Variants in MKX observed in about 807,000 individuals in gnomAD.
The protein encoded by MKX is mohawk homeobox.
MKX carries 13 observed loss-of-function variants against 36.0 expected under a neutral mutation model. The observed-to-expected ratio is 0.36, with a 90% CI of 0.24 to 0.57. MKX has a LOEUF of 0.57. Ranked by LOEUF, MKX falls within the 20% of genes least tolerant of loss-of-function variation. The pLI is 0.79. For synonymous variants in MKX, 176 were observed against 178.3 expected, an observed-to-expected ratio of 0.99 and a Z score of 0.10; for missense variants, 458 against 456.4, an observed-to-expected ratio of 1.00 and a Z score of -0.03.
chr10:27,732,332 T>C (rs1474888528), intron 5 of MKX, among the ~76,000 whole-genome samples: 1 of 152,204 alleles, frequency 6.6e-6, no homozygotes, highest in Non-Finnish European at 1.5e-5. Flanking sequence ...TCCCTAGTTA[T>C]TGGCCATTTA....
At chr10:27,714,821 T>C (rs1420426091) in intron 5 of MKX, among the ~76,000 whole-genome samples, 2 of 152,266 alleles carry the variant, frequency 1.3e-5, no homozygotes, top group African/African-American at 4.8e-5. Context: ...CTTGATTAGA[T>C]GTAAACCTTT....
At chr10:27,706,063 A>AC (rs1256121177) in intron 5 of MKX, among the ~76,000 whole-genome samples, 1 of 151,908 alleles carries the variant, frequency 6.6e-6, no homozygotes, top group Non-Finnish European at 1.5e-5. Flanking sequence ...CTGAGTGACC[A>AC]CCATTTTTTT....
chr10:27,718,216 GAAGAAA>G (rs1836998739), intron 5 of MKX, among the ~76,000 whole-genome samples: 1 of 151,976 alleles, frequency 6.6e-6, no homozygotes, highest in Non-Finnish European at 1.5e-5. Flanking sequence ...AGAAGAAGAA[GAAGAAA>G]AAGAAGAAAT....
intron 5 of MKX, among the ~76,000 whole-genome samples, chr10:27,730,373 A>G (rs1834596778): frequency 1.3e-5 from 2 of 152,132 alleles, no homozygotes; most frequent in African/African-American, 4.8e-5. Flanking sequence ...TATAATCTAC[A>G]AGATTCTGCC....
intron 4 of MKX, 90 bp downstream of exon 4, chr10:27,735,131 A>G: frequency 1.6e-6 from 2 of 1,279,600 alleles, no homozygotes; most frequent in Non-Finnish European, 2.1e-6. Context: ...GCACCATCAT[A>G]TTTTGTGAGA....
intron 5 of MKX, chr10:27,718,679 C>T: frequency 3.2e-6 from 1 of 311,720 alleles, no homozygotes; most frequent in South Asian, 2.9e-5. Context: ...GGACTCCAGT[C>T]ACATTTCAAA....
chr10:27,734,468 C>T lies in MKX; in HGVS notation c.826G>A (p.Val276Ile), dbSNP rs757214275. 3.7e-6 allele frequency: 6 copies of T among 1,613,844 alleles called. No homozygotes were observed. The highest frequency in any genetic ancestry group is 5.1e-6 in the Non-Finnish European group (6 of 1,179,918). Reference protein sequence around the residue: ...PSSSETEGNFVYRTDTLENGS... With the variant: ...PSSSETEGNFIYRTDTLENGS... Reference sequence around the variant, plus strand: ...AGCACGGACTTACCTGTGCGATAGACAAAGTTGCCTTCAGTTTCTGATGAC... The same window carrying T: ...AGCACGGACTTACCTGTGCGATAGATAAAGTTGCCTTCAGTTTCTGATGAC... The change falls in exon 5 of 7, where the codon GTC (valine) becomes ATC (isoleucine). Residue 276 changes from valine (V) to isoleucine (I), a missense_variant. Val to Ile is a conservative substitution (Grantham distance 29). Coordinates refer to ENST00000419761, the MANE Select transcript of MKX (RefSeq NM_173576.3).
intron 5 of MKX, among the ~76,000 whole-genome samples, chr10:27,699,156 C>T (rs1368722916): frequency 6.6e-6 from 1 of 152,152 alleles, no homozygotes; most frequent in African/African-American, 2.4e-5. Flanking sequence ...ATCTGTCTGG[C>T]GAGCAGCCAG....
intron 5 of MKX, among the ~76,000 whole-genome samples, chr10:27,692,818 A>G (rs1261862359): frequency 6.6e-6 from 1 of 152,234 alleles, no homozygotes; most frequent in Non-Finnish European, 1.5e-5. Flanking sequence ...TTTTATGAAC[A>G]GAGTATTTGG....
At chr10:27,738,473 C>A (rs188978992) in intron 3 of MKX, among the ~76,000 whole-genome samples, 167 of 151,986 alleles carry the variant, frequency 1.1e-3, no homozygotes, top group Non-Finnish European at 2.1e-3. Context: ...GTCTCCTTAA[C>A]CAAGGATAGG....
At chr10:27,720,715 C>T (rs980992272) in intron 5 of MKX, among the ~76,000 whole-genome samples, 2 of 152,010 alleles carry the variant, frequency 1.3e-5, no homozygotes, top group African/African-American at 4.8e-5. Context: ...AAATATGAGA[C>T]AAATTCTCAT....
chr10:27,723,562 C>T (rs1188095178), intron 5 of MKX, among the ~76,000 whole-genome samples: 1 of 152,190 alleles, frequency 6.6e-6, no homozygotes, highest in African/African-American at 2.4e-5. Flanking sequence ...CAGCTTCCTG[C>T]TAGGCTCAGG....
rs769671412 is a variant in MKX at position 27,675,379 on chromosome 10, C to A, written c.909G>T (p.Thr303=). The stretch of plus-strand genomic sequence containing the variant: ...TAGCTGCGTTGATCTCCTTCCAATA[C>A]GTGTCATCCTTGCTTGGTCCTTTTC... ...ANRKGPSKDD[T]YWKEINAAMA... Residue 303 remains threonine, a synonymous_variant, in exon 7 of 7, where the codon ACG becomes ACT. Coordinates refer to ENST00000419761, the MANE Select transcript of MKX (RefSeq NM_173576.3). 1.9e-6 allele frequency: 3 copies of A among 1,614,080 alleles called. No homozygotes were observed. The highest frequency in any genetic ancestry group is 2.7e-5 in the African/African-American group (2 of 74,946).
intron 5 of MKX, among the ~76,000 whole-genome samples, chr10:27,680,328 G>A (rs1294884587): frequency 7.0e-6 from 1 of 143,282 alleles, no homozygotes; most frequent in Non-Finnish European, 1.5e-5. Flanking sequence ...TACTGAACCA[G>A]CCAAAAGAGC....
At position 27,694,694 on chromosome 10, in the gene MKX, CA is replaced by C. The variant is rs59324478; in HGVS notation, c.839-19141del. On this transcript the variant is annotated intron_variant, in intron 5 of 6. Transcript: ENST00000419761. ...TGGGCGACAGAGCGAGACTCTGTCT[CA>C]AAAAAAAAAAAAAAAATTTAATCTC... 6.8e-3 allele frequency among the ~76,000 whole-genome samples: 774 copies of C among 114,476 alleles called. 10 individuals carry two copies. Among genetic ancestry groups the C allele is most frequent in the African/African-American group, 0.024 (706 of 29,838 alleles). The allele number at this position is 114,476 out of a possible 152,430, so 75.1% of individuals were successfully genotyped here.
intron 3 of MKX, 44 bp from the exon 4 acceptor site, chr10:27,735,418 A>G: frequency 6.5e-7 from 1 of 1,537,622 alleles, no homozygotes; most frequent in Non-Finnish European, 8.9e-7. Flanking sequence ...TAAAAACATT[A>G]TCCATGGTGC....
intron 3 of MKX, among the ~76,000 whole-genome samples, chr10:27,740,311 C>T (rs1364105990): frequency 6.6e-6 from 1 of 152,186 alleles, no homozygotes; most frequent in African/African-American, 2.4e-5. Context: ...TCAGGTAATG[C>T]TACCGCAATG....
Position 27,743,479 on chromosome 10 carries a change from C to T in MKX, c.-64G>A. 4 of 1,443,126 alleles carry T rather than the reference C, an allele frequency of 2.8e-6. No homozygotes were observed. Among genetic ancestry groups the T allele is most frequent in the Non-Finnish European group, 3.6e-6 (4 of 1,096,946 alleles). The allele number at this position is 1,443,126 out of a possible 1,614,324, so 89.4% of individuals were successfully genotyped here. A position where few individuals can be genotyped will look rare whatever the true frequency, so the allele number is the denominator to read the frequency against. On this transcript the variant is annotated 5_prime_UTR_variant, in exon 2 of 7. Coordinates refer to ENST00000419761, the MANE Select transcript of MKX (RefSeq NM_173576.3). Reference sequence around the variant, plus strand: ...CCTCGGGGCTGGGCCGCCGGGAGCTCCGCAGCGGGGCTCGGCTTCTAGGAG... The same window carrying T: ...CCTCGGGGCTGGGCCGCCGGGAGCTTCGCAGCGGGGCTCGGCTTCTAGGAG...
At chr10:27,718,606 C>A (rs978230593) in intron 5 of MKX, 10 of 441,628 alleles carry the variant, frequency 2.3e-5, no homozygotes, top group Non-Finnish European at 4.5e-5. Flanking sequence ...ACTGGAAAGA[C>A]AAAAAGAAAA....
Sources: allele counts gnomAD v4.1 joint callset (sites outside exome capture counted in the v4.1 genomes callset), GRCh38; gene constraint gnomAD v4.1.1; transcripts MANE v1.5; gene names NCBI Gene and HGNC (gene_info 2026-07-23, HGNC 2026-07-21).